Variants in PCDHGA3 observed in about 807,000 individuals in gnomAD.
PCDHGA3 encodes the protein protocadherin gamma subfamily A, 3.
PCDHGA3 carries 40 observed loss-of-function variants against 58.5 expected under a neutral mutation model. The ratio of observed to expected loss-of-function variants is 0.68; its 90% CI spans 0.53 to 0.89. PCDHGA3 has a LOEUF of 0.89. PCDHGA3 is among the 40% of genes least tolerant of loss of function. The pLI is 0.00. For missense variants in PCDHGA3, 1,223 were observed against 1,195.9 expected, an observed-to-expected ratio of 1.02 and a Z score of -0.33; for synonymous variants, 530 against 525.7, an observed-to-expected ratio of 1.01 and a Z score of -0.11.
intron 1 of PCDHGA3, chr5:141,352,199 C>G: frequency 6.2e-7 from 1 of 1,613,920 alleles, no homozygotes; most frequent in Non-Finnish European, 8.5e-7. Context: ...TGATGGAGGA[C>G]AGCCGCCACT....
In PCDHGA3 at chr5:141,511,774, T is replaced by C. The variant is rs1173144009; in HGVS notation, c.*601T>C. 6.2e-6 allele frequency: 1 copy of C among 160,350 alleles called. No homozygotes were observed. The highest frequency in any genetic ancestry group is 1.4e-5 in the Non-Finnish European group (1 of 72,132). The allele number at this position is 160,350 out of a possible 1,614,324, so 9.9% of individuals were successfully genotyped here. A position where few individuals can be genotyped will look rare whatever the true frequency, so the allele number is the denominator to read the frequency against. On this transcript the variant is annotated 3_prime_UTR_variant, in exon 4 of 4. Coordinates refer to ENST00000253812, the MANE Select transcript of PCDHGA3 (RefSeq NM_018916.4). ...ATGATCACCATCCCCATGGTACTGA[T>C]GCTTGCTGGATTTAGGGAGGGCATT...
At chr5:141,351,338 A>T in intron 1 of PCDHGA3, 2 of 1,613,576 alleles carry the variant, frequency 1.2e-6, no homozygotes, top group Non-Finnish European at 1.7e-6. Context: ...AGACCTTGGA[A>T]CTGTAATAGC....
rs922405350 is a variant in PCDHGA3, at chr5:141,512,227, T to C, written c.*1054T>C. 5 of 152,764 alleles carry C rather than the reference T, an allele frequency of 3.3e-5. No homozygotes were observed. The highest frequency in any genetic ancestry group is 1.2e-4 in the African/African-American group (5 of 41,552). 9.5% of individuals were successfully genotyped at this position (152,764 alleles called of 1,614,324 possible). On this transcript the variant is annotated 3_prime_UTR_variant, in exon 4 of 4. Transcript: ENST00000253812. ...AAGCAGGTTTAGGACCAGGTCCCCTTGAGAGGTCAGAGGGGCCTCTGTGGG... is the reference window on the plus strand; with the variant it reads ...AAGCAGGTTTAGGACCAGGTCCCCTCGAGAGGTCAGAGGGGCCTCTGTGGG...
intron 1 of PCDHGA3, among the ~76,000 whole-genome samples, chr5:141,472,042 T>C (rs2099270232): frequency 2.0e-5 from 3 of 152,146 alleles, no homozygotes; most frequent in African/African-American, 7.2e-5. Context: ...TGTGAAAAGA[T>C]TTTAAAAATG....
intron 1 of PCDHGA3, among the ~76,000 whole-genome samples, chr5:141,443,070 T>C (rs983773796): frequency 6.6e-6 from 1 of 152,244 alleles, no homozygotes; most frequent in African/African-American, 2.4e-5. Flanking sequence ...GAGCGTCTTA[T>C]GACTGAGTGT....
intron 1 of PCDHGA3, chr5:141,370,831 C>T (rs1445899321): frequency 6.2e-7 from 1 of 1,613,948 alleles, no homozygotes; most frequent in Non-Finnish European, 8.5e-7. Context: ...AGCGAACTGG[C>T]TCTCACTGGA....
At position 141,384,937 on chromosome 5, in the gene PCDHGA3, C is replaced by T. The variant is rs373048330; in HGVS notation, c.2424+38480C>T. ...CTTGGCCGACCTGGGCAGCCTTGAG[C>T]CCTCCGACGGTCCTTACAACTATGA... On this transcript the variant is annotated intron_variant, in intron 1 of 3. Coordinates refer to ENST00000253812, the MANE Select transcript of PCDHGA3 (RefSeq NM_018916.4). 4.5e-5 allele frequency: 72 copies of T among 1,613,950 alleles called. No homozygotes were observed. The highest frequency in any genetic ancestry group is 2.3e-4 in the Admixed American group (14 of 60,012).
intron 1 of PCDHGA3, chr5:141,362,670 CTTAA>C: frequency 8.1e-7 from 1 of 1,239,100 alleles, no homozygotes; most frequent in Non-Finnish European, 1.1e-6. Context: ...AATGTTGTGC[CTTAA>C]TTGTCTTAAT....
At chr5:141,469,408 C>A (rs765861544) in intron 1 of PCDHGA3, among the ~76,000 whole-genome samples, 20 of 152,008 alleles carry the variant, frequency 1.3e-4, no homozygotes, top group Non-Finnish European at 2.6e-4. Flanking sequence ...AACCCCGTTT[C>A]TACTAAAAAT....
At chr5:141,415,095 C>T (rs1045755927) in intron 1 of PCDHGA3, 1 of 1,613,584 alleles carries the variant, frequency 6.2e-7, no homozygotes, top group Non-Finnish European at 8.5e-7. Context: ...TGGACAGAGA[C>T]GCGCTCAAGC....
rs751916221 is a variant in PCDHGA3 at position 141,344,016 on chromosome 5, C to T, written c.-18C>T. ...AAACTGGAACCGAATTCAGAGAAAGCGATTCACCGAAAAGGAAATGACCAA... is the reference window on the plus strand; with the variant it reads ...AAACTGGAACCGAATTCAGAGAAAGTGATTCACCGAAAAGGAAATGACCAA... On this transcript the variant is annotated 5_prime_UTR_variant, in exon 1 of 4. Coordinates refer to ENST00000253812, the MANE Select transcript of PCDHGA3 (RefSeq NM_018916.4). 9 of 1,513,064 alleles carry T rather than the reference C, an allele frequency of 5.9e-6. No individual in the cohort carries two copies. The highest frequency in any genetic ancestry group is 1.8e-6 in the Non-Finnish European group (2 of 1,131,730). The allele number at this position is 1,513,064 out of a possible 1,614,324, so 93.7% of individuals were successfully genotyped here. A position where few individuals can be genotyped will look rare whatever the true frequency, so the allele number is the denominator to read the frequency against.
chr5:141,355,746 G>A (rs1759960259), intron 1 of PCDHGA3: 2 of 1,613,874 alleles, frequency 1.2e-6, no homozygotes, highest in Non-Finnish European at 1.7e-6. Context: ...CCCTGGACGT[G>A]CAAAGTGGGG....
intron 1 of PCDHGA3, among the ~76,000 whole-genome samples, chr5:141,471,744 A>G (rs2099263733): frequency 6.6e-6 from 1 of 152,208 alleles, no homozygotes; most frequent in South Asian, 2.1e-4. Context: ...GAGACATAAC[A>G]TATTTGAGGG....
At position 141,491,834 on chromosome 5, in the gene PCDHGA3, C is replaced by T; in HGVS notation, c.2425-2973C>T. 6 of 1,473,830 alleles carry T rather than the reference C, an allele frequency of 4.1e-6. No homozygotes were observed. The highest frequency in any genetic ancestry group is 5.4e-6 in the Non-Finnish European group (6 of 1,112,366). The allele number at this position is 1,473,830 out of a possible 1,614,324, so 91.3% of individuals were successfully genotyped here. ...CGCTGGCTGCGCTCCACCCGATTCTCGGGATCATTGGACCGTTTGCGCGAA... is the reference window on the plus strand; with the variant it reads ...CGCTGGCTGCGCTCCACCCGATTCTTGGGATCATTGGACCGTTTGCGCGAA... On this transcript the variant is annotated intron_variant, in intron 1 of 3. Transcript: ENST00000253812. This position sits in a 1 kb window ranked among gnomAD's most constrained non-coding sequence, Gnocchi z 6.9.
At chr5:141,375,718 C>T in intron 1 of PCDHGA3, 2 of 1,614,270 alleles carry the variant, frequency 1.2e-6, no homozygotes, top group African/African-American at 1.3e-5. Context: ...TTAGCAGCAA[C>T]GTGTCACTGA....
Position 141,404,312 on chromosome 5 carries a change from C to T in PCDHGA3, c.2424+57855C>T. On this transcript the variant is annotated intron_variant, in intron 1 of 3. Transcript: ENST00000253812. ...CAATGATAATCCACCTGCTTTCTCT[C>T]AAGCCTCCTACTCAGTCTACCTCCC... is the stretch of plus-strand genomic sequence containing the variant. 1.9e-6 allele frequency: 3 copies of T among 1,613,956 alleles called. No individual in the cohort carries two copies. The Middle Eastern group carries it at 4.9e-4, about 266-fold the overall frequency.
At chr5:141,350,682 A>T (rs758070807) in intron 1 of PCDHGA3, 17 of 1,613,888 alleles carry the variant, frequency 1.1e-5, no homozygotes, top group Non-Finnish European at 1.4e-5. Context: ...GAAATTTGTG[A>T]GTCAGCCTTA....
chr5:141,375,784 C>T, intron 1 of PCDHGA3: 1 of 1,614,254 alleles, frequency 6.2e-7, no homozygotes. Context: ...ACCCCGCCCT[C>T]CCCACAGACG....
chr5:141,510,510 G>A (rs1042950478), intron 3 of PCDHGA3, among the ~76,000 whole-genome samples: 5 of 152,132 alleles, frequency 3.3e-5, no homozygotes, highest in Non-Finnish European at 5.9e-5. Context: ...CTGAGAGCCC[G>A]TGTCACAGCC....
Sources: allele counts gnomAD v4.1 joint callset (sites outside exome capture counted in the v4.1 genomes callset), GRCh38; gene constraint gnomAD v4.1.1; non-coding constraint Gnocchi (gnomAD v3.1); transcripts MANE v1.5; gene names NCBI Gene and HGNC (gene_info 2026-07-23, HGNC 2026-07-21).